The following RBFOX1 variants were observed in gnomAD, a reference collection of about 807,000 sequenced individuals.
The protein encoded by RBFOX1 is RNA binding fox-1 homolog 1.
Under a neutral mutation model 57.7 loss-of-function variants are expected in RBFOX1, and 8 were observed. That is an observed-to-expected ratio of 0.14 (90% confidence interval 0.08 to 0.25). The LOEUF (loss-of-function observed/expected upper bound fraction) is 0.25. Among genes scored for constraint, RBFOX1 ranks in the 10% least tolerant of loss-of-function variants. RBFOX1 has a pLI of 1.00. For synonymous variants in RBFOX1, 326 were observed against 222.4 expected (o/e 1.47, Z -4.15); for missense variants, 611 against 548.5 (o/e 1.11, Z -1.14).
rs979459625 is a variant in RBFOX1, at chr16:6,888,405, C to G, written c.-15-163652C>G. ...CCAAACTTGGAGGAGAAAGAGCTTACTGATGTCAACACTTAGAAAGCAGTG... is the reference window on the plus strand; with the variant it reads ...CCAAACTTGGAGGAGAAAGAGCTTAGTGATGTCAACACTTAGAAAGCAGTG... On this transcript the variant is annotated intron_variant, in intron 3 of 15. Coordinates refer to ENST00000550418, the MANE Select transcript of RBFOX1 (RefSeq NM_018723.4). 7.2e-5 allele frequency among the ~76,000 whole-genome samples: 11 copies of G among 152,212 alleles called. 2 individuals carry two copies. Among genetic ancestry groups the G allele is most frequent in the East Asian group, 1.9e-4 (1 of 5,156 alleles).
intron 3 of RBFOX1, among the ~76,000 whole-genome samples, chr16:6,857,391 C>G (rs962028698): frequency 1.3e-5 from 2 of 151,960 alleles, no homozygotes; most frequent in Non-Finnish European, 2.9e-5. Flanking sequence ...GGTCTCCATC[C>G]TACGAAGCAT....
chr16:6,581,180 C>A (rs527461902), intron 2 of RBFOX1, among the ~76,000 whole-genome samples: 1 of 152,206 alleles, frequency 6.6e-6, no homozygotes, highest in South Asian at 2.1e-4. Flanking sequence ...CACGCCCACC[C>A]CTAATGAAGC....
At chr16:6,729,632 A>G (rs1036179858) in intron 3 of RBFOX1, among the ~76,000 whole-genome samples, 1 of 152,198 alleles carries the variant, frequency 6.6e-6, no homozygotes, top group Non-Finnish European at 1.5e-5. Context: ...GTGTGTAGAA[A>G]GTACCTCATT....
intron 4 of RBFOX1, among the ~76,000 whole-genome samples, chr16:5,986,016 G>A (rs1313106064): frequency 6.6e-6 from 1 of 150,860 alleles, no homozygotes; most frequent in Non-Finnish European, 1.5e-5. Context: ...ACTTTTTTGG[G>A]TACCCAAAAT....
chr16:7,015,294 C>CA (rs1464063674), intron 3 of RBFOX1, among the ~76,000 whole-genome samples: 1 of 152,128 alleles, frequency 6.6e-6, no homozygotes, highest in African/African-American at 2.4e-5. Flanking sequence ...AAACTGCTCG[C>CA]ATTCCTGGGA....
At chr16:6,695,756 G>C (rs1348056107) in intron 3 of RBFOX1, among the ~76,000 whole-genome samples, 1 of 152,156 alleles carries the variant, frequency 6.6e-6, no homozygotes, top group African/African-American at 2.4e-5. Context: ...AATCCTCTCT[G>C]TACTTCTTGT....
chr16:6,280,775 C>G (rs1445210740), intron 1 of RBFOX1, among the ~76,000 whole-genome samples: 1 of 152,028 alleles, frequency 6.6e-6, no homozygotes, highest in African/African-American at 2.4e-5. Flanking sequence ...ATCTGAAGGG[C>G]TCACAGCTAC....
At chr16:5,542,419 T>A (rs1198428539) in intron 2 of RBFOX1, among the ~76,000 whole-genome samples, 1 of 151,440 alleles carries the variant, frequency 6.6e-6, no homozygotes, top group Non-Finnish European at 1.5e-5. Flanking sequence ...TGGCTAATTT[T>A]TTTTTTTTTT....
At chr16:7,234,454 A>G (rs776151950) in intron 4 of RBFOX1, among the ~76,000 whole-genome samples, 1 of 152,082 alleles carries the variant, frequency 6.6e-6, no homozygotes, top group African/African-American at 2.4e-5. Context: ...TCAATAAAAT[A>G]AGCTCCCTCA....
intron 3 of RBFOX1, among the ~76,000 whole-genome samples, chr16:7,023,081 C>A (rs536697093): frequency 6.6e-6 from 1 of 152,124 alleles, no homozygotes; most frequent in African/African-American, 2.4e-5. Context: ...ATGCAAAAAG[C>A]CCAGCCAGTG....
chr16:6,250,333 C>T (rs1165291248), intron 1 of RBFOX1, among the ~76,000 whole-genome samples: 1 of 151,958 alleles, frequency 6.6e-6, no homozygotes, highest in African/African-American at 2.4e-5. Flanking sequence ...TTTTGCAAGC[C>T]CATATTATTA....
chr16:7,608,641 C>A (rs1294767579), intron 10 of RBFOX1, among the ~76,000 whole-genome samples: 2 of 152,162 alleles, frequency 1.3e-5, no homozygotes, highest in African/African-American at 4.8e-5. Flanking sequence ...AATTCTGCCT[C>A]CCCTACTCAC....
rs1001253549 is a variant in RBFOX1, at chr16:7,186,683, G to A, written c.27+134585G>A. On this transcript the variant is annotated intron_variant, in intron 4 of 15. Transcript: ENST00000550418. ...TATGTATATTTATATACATACTTACGTCTTTAAATATAAGTTTCATGGTAT... is the reference window on the plus strand; with the variant it reads ...TATGTATATTTATATACATACTTACATCTTTAAATATAAGTTTCATGGTAT... 6.5e-4 allele frequency among the ~76,000 whole-genome samples: 96 copies of A among 146,956 alleles called. 2 individuals are homozygous for A. Among genetic ancestry groups the A allele is most frequent in the South Asian group, 1.5e-3 (7 of 4,704 alleles).
intron 3 of RBFOX1, among the ~76,000 whole-genome samples, chr16:7,011,502 GTTTGT>G (rs201330849): frequency 0.01 from 1,550 of 151,656 alleles, 28 homozygotes; most frequent in African/African-American, 0.034. Flanking sequence ...TTTGTTGTGC[GTTTGT>G]TTTGTTTTGT....
chr16:7,050,871 C>G (rs2049828490), intron 3 of RBFOX1, among the ~76,000 whole-genome samples: 2 of 151,820 alleles, frequency 1.3e-5, no homozygotes, highest in Non-Finnish European at 2.9e-5. Context: ...TTTTTAAGAG[C>G]TAATCTTAGT....
At chr16:7,694,318 A>C (rs547977636) in intron 14 of RBFOX1, among the ~76,000 whole-genome samples, 1 of 152,276 alleles carries the variant, frequency 6.6e-6, no homozygotes, top group African/African-American at 2.4e-5. Context: ...ACCTTTTATC[A>C]ATGCTGCAGT....
At chr16:5,271,198 A>T (rs2062996947) in intron 1 of RBFOX1, among the ~76,000 whole-genome samples, 1 of 152,056 alleles carries the variant, frequency 6.6e-6, no homozygotes, top group African/African-American at 2.4e-5. Flanking sequence ...AAAAAAGAAA[A>T]AAAAAAGTAT....
intron 4 of RBFOX1, among the ~76,000 whole-genome samples, chr16:7,200,247 G>T (rs181407716): frequency 6.6e-6 from 1 of 152,292 alleles, no homozygotes; most frequent in Admixed American, 6.5e-5. Context: ...GGATGATACT[G>T]TGGTTCTGAG....
intron 1 of RBFOX1, among the ~76,000 whole-genome samples, chr16:6,031,591 G>C (rs553658782): frequency 6.6e-6 from 1 of 152,202 alleles, no homozygotes; most frequent in African/African-American, 2.4e-5. Context: ...ATCTCTGTAT[G>C]TGTGCAAACG....
Sources: gnomAD v4.1 joint callset for allele counts (sites outside exome capture counted in the v4.1 genomes callset) on GRCh38, gnomAD v4.1.1 for gene constraint, MANE v1.5 for transcripts, NCBI Gene and HGNC (gene_info 2026-07-23, HGNC 2026-07-21) for gene names.